The following SCN9A variants were observed in gnomAD, a reference collection of about 807,000 sequenced individuals.
The protein encoded by SCN9A is sodium channel protein type 9 subunit alpha.
In SCN9A, 131 loss-of-function variants were observed where a neutral mutation model predicts 187.0. That is an observed-to-expected ratio of 0.70 (90% CI 0.61 to 0.81). The LOEUF (loss-of-function observed/expected upper bound fraction) is 0.81, where lower values mean the gene tolerates loss of function less well. SCN9A is among the 30% of genes least tolerant of loss of function. The pLI is 0.00. For synonymous variants in SCN9A, 809 were observed against 808.6 expected, an observed-to-expected ratio of 1.00 and a Z score of -0.01; for missense variants, 2,252 against 2,396.6, an observed-to-expected ratio of 0.94 and a Z score of 1.26.
At chr2:166,261,303 A>G (rs182671718) in intron 17 of SCN9A, among the ~76,000 whole-genome samples, 1 of 152,030 alleles carries the variant, frequency 6.6e-6, no homozygotes, top group Admixed American at 6.6e-5. Flanking sequence ...CAGCCAGGCT[A>G]CCTTGTTGTT....
intron 1 of SCN9A, among the ~76,000 whole-genome samples, chr2:166,342,119 A>C (rs890984308): frequency 1.3e-5 from 2 of 152,176 alleles, no homozygotes; most frequent in Non-Finnish European, 2.9e-5. Flanking sequence ...CTTATATTTG[A>C]GAAATTATGA....
At chr2:166,350,815 G>A (rs1315723457) in intron 1 of SCN9A, among the ~76,000 whole-genome samples, 2 of 152,022 alleles carry the variant, frequency 1.3e-5, no homozygotes, top group East Asian at 1.9e-4. Context: ...TTACATCAGC[G>A]GCTTAGTTGC....
At position 166,253,455 on chromosome 2, in the gene SCN9A, G is replaced by T. The variant is rs6740744; in HGVS notation, c.3352-1570C>A. ...TAGTTTAATTTAAAATAAGATAATA[G>T]AAATTAATTATAACTGAATATTCTA... On this transcript the variant is annotated intron_variant, in intron 17 of 26. Transcript: ENST00000642356. Among the ~76,000 whole-genome samples the T allele has an allele frequency of 9.9e-3, 1,509 of 151,710 alleles. 33 individuals carry two copies. The highest frequency in any genetic ancestry group is 0.035 in the African/African-American group (1,442 of 41,434).
intron 17 of SCN9A, among the ~76,000 whole-genome samples, chr2:166,268,922 G>A (rs1195483126): frequency 1.3e-5 from 2 of 151,750 alleles, no homozygotes; most frequent in Non-Finnish European, 2.9e-5. Context: ...TGCAGAAATC[G>A]ATGACAACAA....
At position 166,223,456 on chromosome 2, in the gene SCN9A, A is replaced by C. The variant is rs191729950; in HGVS notation, c.4398+3111T>G. Among the ~76,000 whole-genome samples, 92 of 152,336 alleles carry C rather than the reference A, an allele frequency of 6.0e-4. 1 individual carries two copies. The highest frequency in any genetic ancestry group is 1.0e-3 in the Non-Finnish European group (68 of 68,028). On this transcript the variant is annotated intron_variant, in intron 24 of 26. Transcript: ENST00000642356. ...GCAGCAACTTGAATGAACCTGGATA[A>C]ATTTATGCTGAGTGAAGTAACAGAA...
chr2:166,252,196 A>G (rs1696075807), intron 17 of SCN9A, among the ~76,000 whole-genome samples: 1 of 151,974 alleles, frequency 6.6e-6, no homozygotes, highest in Non-Finnish European at 1.5e-5. Flanking sequence ...AGTATTGACC[A>G]CATCTTATTT....
At chr2:166,266,439 G>A (rs1696741276) in intron 17 of SCN9A, among the ~76,000 whole-genome samples, 1 of 151,724 alleles carries the variant, frequency 6.6e-6, no homozygotes, top group Admixed American at 6.6e-5. Context: ...TTTTATGTCA[G>A]TATCATTCTG....
chr2:166,250,381 G>A (rs1168260721), intron 18 of SCN9A, among the ~76,000 whole-genome samples: 1 of 152,136 alleles, frequency 6.6e-6, no homozygotes, highest in Non-Finnish European at 1.5e-5. Context: ...CACTGTGCTA[G>A]TAAGTTTATA....
At chr2:166,308,719 G>A (rs1324496062) in intron 2 of SCN9A, among the ~76,000 whole-genome samples, 3 of 151,956 alleles carry the variant, frequency 2.0e-5, no homozygotes, top group African/African-American at 7.3e-5. Flanking sequence ...TCAGGAGATC[G>A]AGACCATCCT....
chr2:166,207,811 C>T (rs1693887673), intron 24 of SCN9A, among the ~76,000 whole-genome samples: 1 of 152,136 alleles, frequency 6.6e-6, no homozygotes, highest in Non-Finnish European at 1.5e-5. Context: ...ATATTCATCT[C>T]ACCTACTGGC....
At chr2:166,308,975 T>C (rs1311723036) in intron 2 of SCN9A, among the ~76,000 whole-genome samples, 1 of 145,480 alleles carries the variant, frequency 6.9e-6, no homozygotes, top group Non-Finnish European at 1.5e-5. Flanking sequence ...AGAAACTATA[T>C]CATAACAGGT....
chr2:166,233,340 C>A lies in SCN9A; in HGVS notation c.3924G>T (p.Arg1308Ser). 4 of 1,521,316 alleles carry A rather than the reference C, an allele frequency of 2.6e-6. No homozygotes were observed. The highest frequency in any genetic ancestry group is 1.4e-5 in the South Asian group (1 of 73,252). The allele number at this position is 1,521,316 out of a possible 1,614,324, so 94.2% of individuals were successfully genotyped here. Residue 1308 changes from arginine (R) to serine (S), a missense_variant and splice_region_variant, in exon 21 of 27, where the codon AGG (arginine) becomes AGT (serine). Physicochemically the swap from Arg to Ser is moderately radical, Grantham distance 110. This residue lies in a region of SCN9A where 368 missense variants were observed against 408.6 expected (regional missense o/e 0.90). Transcript: ENST00000642356. The stretch of plus-strand genomic sequence containing the variant: ...ATTATAAAGTTTAGTATTTTCTTAC[C>A]CTCATTCCTTCAAATCTAGATAAGG... The part of the protein sequence containing the change: ...LRALSRFEGM[R>S]VVVNALIGAI...
intron 1 of SCN9A, among the ~76,000 whole-genome samples, chr2:166,342,385 T>C (rs971659394): frequency 2.7e-4 from 41 of 152,208 alleles, no homozygotes; most frequent in Non-Finnish European, 1.2e-4. Context: ...AATGGTCAAC[T>C]ACTGCAGTTA....
chr2:166,238,360 A>T, intron 19 of SCN9A, 93 bp from the exon 20 acceptor site: 1 of 823,212 alleles, frequency 1.2e-6, no homozygotes, highest in Non-Finnish European at 1.9e-6. Flanking sequence ...TAATGCTAAG[A>T]CTGCTGAAAC....
In SCN9A at chr2:166,204,352, T is replaced by C. The variant is rs753899025; in HGVS notation, c.4503+8A>G. 1.3e-6 allele frequency: 2 copies of C among 1,595,614 alleles called. No individual in the cohort carries two copies. The highest frequency in any genetic ancestry group is 1.7e-6 in the Non-Finnish European group (2 of 1,166,440). Reference sequence around the variant, plus strand: ...ATCTATATGCTAAAGATATATATATTTTTTTACCCCTGGTCGAGGAATTGG... The same window carrying C: ...ATCTATATGCTAAAGATATATATATCTTTTTACCCCTGGTCGAGGAATTGG... On this transcript the variant is annotated splice_region_variant and intron_variant, in intron 25 of 26. Transcript: ENST00000642356.
intron 7 of SCN9A, among the ~76,000 whole-genome samples, chr2:166,298,498 T>C (rs1228027081): frequency 1.3e-5 from 2 of 152,190 alleles, no homozygotes; most frequent in Non-Finnish European, 2.9e-5. Flanking sequence ...ATTTATTTGA[T>C]TGTGAATTTG....
intron 24 of SCN9A, among the ~76,000 whole-genome samples, chr2:166,216,661 T>C (rs1006571439): frequency 6.6e-6 from 1 of 151,832 alleles, no homozygotes; most frequent in Non-Finnish European, 1.5e-5. Flanking sequence ...AATAAAATAC[T>C]TTGAAGTAAA....
intron 18 of SCN9A, chr2:166,249,274 A>C (rs1365039803): frequency 4.6e-5 from 7 of 151,868 alleles, no homozygotes; most frequent in Non-Finnish European, 1.0e-4. Context: ...TCTCCATAGC[A>C]CTTTTCACTT....
At chr2:166,201,128 TTAA>T (rs922342959) in intron 26 of SCN9A, among the ~76,000 whole-genome samples, 1 of 151,136 alleles carries the variant, frequency 6.6e-6, no homozygotes, top group African/African-American at 2.4e-5. Context: ...TGAGTACTTT[TTAA>T]TAATATGTTA....
Sources: allele counts gnomAD v4.1 joint callset (sites outside exome capture counted in the v4.1 genomes callset), GRCh38; gene constraint gnomAD v4.1.1; regional missense constraint gnomAD v4.1.1; transcripts MANE v1.5; gene names NCBI Gene and HGNC (gene_info 2026-07-23, HGNC 2026-07-21).